The following ARMC9 variants were observed in gnomAD, a reference collection of about 807,000 sequenced individuals.
ARMC9 encodes the protein lisH domain-containing protein ARMC9.
A neutral mutation model predicts 107.0 loss-of-function variants in ARMC9; 94 were observed. The observed-to-expected ratio is 0.88, with a 90% CI of 0.74 to 1.04. The LOEUF (loss-of-function observed/expected upper bound fraction) is 1.04, where lower values mean the gene tolerates loss of function less well. Ranked by LOEUF, ARMC9 falls within the 50% of genes least tolerant of loss-of-function variation. ARMC9 has a pLI of 0.00. For missense variants in ARMC9, 942 were observed against 1,030.1 expected (o/e 0.91, Z 1.17); for synonymous variants, 380 against 396.9 (o/e 0.96, Z 0.51).
At chr2:231,367,280 TG>T (rs974562471) in intron 23 of ARMC9, among the ~76,000 whole-genome samples, 17 of 152,252 alleles carry the variant, frequency 1.1e-4, no homozygotes, top group African/African-American at 3.4e-4. Flanking sequence ...TACGGATTCC[TG>T]GGCCCTGCCG....
intron 9 of ARMC9, among the ~76,000 whole-genome samples, chr2:231,243,280 G>A (rs754467180): frequency 6.6e-6 from 1 of 151,758 alleles, no homozygotes; most frequent in South Asian, 2.1e-4. Flanking sequence ...GGGCTTGGTG[G>A]TGCGTGGCTG....
chr2:231,365,522 C>T (rs749494374), intron 23 of ARMC9, among the ~76,000 whole-genome samples: 1 of 152,136 alleles, frequency 6.6e-6, no homozygotes, highest in East Asian at 1.9e-4. Flanking sequence ...GGCCCCTAGG[C>T]GACTCTGCCC....
chr2:231,334,978 G>A (rs181011050), intron 20 of ARMC9, among the ~76,000 whole-genome samples: 4 of 152,306 alleles, frequency 2.6e-5, no homozygotes, highest in East Asian at 3.9e-4. Flanking sequence ...TTGTTCCGAT[G>A]TACTGGGTAC....
intron 6 of ARMC9, among the ~76,000 whole-genome samples, chr2:231,225,840 A>G (rs1001796966): frequency 3.3e-5 from 5 of 152,210 alleles, no homozygotes; most frequent in African/African-American, 7.2e-5. Context: ...AACCATTGAA[A>G]TGTACACATT....
Position 231,345,109 on chromosome 2 carries a change from A to C in ARMC9, c.1994+19A>C. 1 of 1,609,004 alleles carries C rather than the reference A, an allele frequency of 6.2e-7. No individual in the cohort carries two copies. The highest frequency in any genetic ancestry group is 8.5e-7 in the Non-Finnish European group (1 of 1,178,780). On this transcript the variant is annotated intron_variant, in intron 21 of 24. Transcript: ENST00000611582. ...ACCCAGTGTAAGTCAGGGCTAAAGGAAGCGGGAATTGACTTTCTTAAGCTT... is the reference window on the plus strand; with the variant it reads ...ACCCAGTGTAAGTCAGGGCTAAAGGCAGCGGGAATTGACTTTCTTAAGCTT...
intron 21 of ARMC9, among the ~76,000 whole-genome samples, chr2:231,350,907 G>C (rs1003157635): frequency 6.8e-6 from 1 of 147,006 alleles, no homozygotes; most frequent in Admixed American, 6.8e-5. Context: ...GCTATGCTTG[G>C]AGGTCCTGCA....
intron 20 of ARMC9, among the ~76,000 whole-genome samples, chr2:231,332,989 G>T (rs930099696): frequency 6.6e-6 from 1 of 152,174 alleles, no homozygotes; most frequent in African/African-American, 2.4e-5. Flanking sequence ...GGAGAAAGAC[G>T]ATGCATGCAG....
chr2:231,262,316 C>G lies in ARMC9; in HGVS notation c.1037C>G (p.Thr346Arg). ...LLQALRWRLTTSHPGEQRETV... is the reference protein window; with the variant it reads ...LLQALRWRLTRSHPGEQRETV... ...TTTTCTTTGCTCCAGCGCTTGACCA[C>G]ATCCCATCCTGGAGAGCAGAGGGAG... is the stretch of plus-strand genomic sequence containing the variant. Residue 346 changes from threonine to arginine, a missense_variant, in exon 12 of 25, where the codon ACA (threonine) becomes AGA (arginine). Coordinates refer to ENST00000611582, the MANE Select transcript of ARMC9 (RefSeq NM_001352754.2). 6.2e-7 allele frequency: 1 copy of G among 1,614,150 alleles called. No homozygotes were observed. Among genetic ancestry groups the G allele is most frequent in the South Asian group, 1.1e-5 (1 of 91,084 alleles).
intron 21 of ARMC9, among the ~76,000 whole-genome samples, chr2:231,351,625 A>G (rs7571124): frequency 0.081 from 12,319 of 152,128 alleles, 1,486 homozygotes; most frequent in African/African-American, 0.26. Flanking sequence ...GTGTCTACAT[A>G]TATATATGGT....
chr2:231,314,090 T>G (rs2042523757), intron 19 of ARMC9, among the ~76,000 whole-genome samples: 1 of 151,278 alleles, frequency 6.6e-6, no homozygotes, highest in African/African-American at 2.4e-5. Context: ...TTTTGTTTTT[T>G]GTTTTTGAGA....
chr2:231,365,547 C>T (rs904622272), intron 23 of ARMC9, among the ~76,000 whole-genome samples: 8 of 152,150 alleles, frequency 5.3e-5, no homozygotes, highest in African/African-American at 7.2e-5. Context: ...GGTTCATAAC[C>T]GGCTCTCAGT....
chr2:231,204,176 GAAAA>G (rs5839392), intron 1 of ARMC9, among the ~76,000 whole-genome samples: 3 of 98,284 alleles, frequency 3.1e-5, no homozygotes, highest in African/African-American at 7.4e-5. Flanking sequence ...TCTGTCTCAG[GAAAA>G]AAAAAAAAAA....
At chr2:231,217,106 T>TAAATAC (rs1301032305) in intron 5 of ARMC9, among the ~76,000 whole-genome samples, 2 of 152,188 alleles carry the variant, frequency 1.3e-5, no homozygotes, top group African/African-American at 4.8e-5. Flanking sequence ...GGAGCATGCA[T>TAAATAC]AAATACATTG....
intron 16 of ARMC9, among the ~76,000 whole-genome samples, 187 bp from the exon 17 acceptor site, chr2:231,281,872 G>T (rs2040241381): frequency 6.6e-6 from 1 of 152,306 alleles, no homozygotes; most frequent in Admixed American, 6.5e-5. Context: ...AGTGGTAGCT[G>T]TCACCTGGGC....
chr2:231,352,226 T>C (rs1159573969), intron 21 of ARMC9, among the ~76,000 whole-genome samples: 1 of 152,050 alleles, frequency 6.6e-6, no homozygotes, highest in Non-Finnish European at 1.5e-5. Context: ...CCTTCCAAAG[T>C]GCTGGGATTA....
chr2:231,237,669 C>G (rs2125365601), intron 8 of ARMC9, among the ~76,000 whole-genome samples: 1 of 145,624 alleles, frequency 6.9e-6, no homozygotes, highest in Admixed American at 7.0e-5. Context: ...GTAAGTAAAA[C>G]TTGGCATTCT....
chr2:231,272,223 C>T (rs1379204316), intron 13 of ARMC9, among the ~76,000 whole-genome samples: 2 of 119,086 alleles, frequency 1.7e-5, no homozygotes, highest in African/African-American at 6.6e-5. Flanking sequence ...GAGAGTCTCA[C>T]TTTGTCAACC....
At chr2:231,210,300 C>T (rs1253805455) in intron 3 of ARMC9, among the ~76,000 whole-genome samples, 2 of 152,224 alleles carry the variant, frequency 1.3e-5, no homozygotes, top group Non-Finnish European at 2.9e-5. Context: ...ACCTCCCTGG[C>T]ACCCCCCACA....
chr2:231,368,442 A>G (rs1384850961), intron 23 of ARMC9, among the ~76,000 whole-genome samples: 6 of 152,158 alleles, frequency 3.9e-5, no homozygotes, highest in Non-Finnish European at 8.8e-5. Context: ...ATCAGAAGAA[A>G]TAATACCCAA....
Sources: allele counts gnomAD v4.1 joint callset (sites outside exome capture counted in the v4.1 genomes callset), GRCh38; gene constraint gnomAD v4.1.1; transcripts MANE v1.5; gene names NCBI Gene and HGNC (gene_info 2026-07-23, HGNC 2026-07-21).